RIT2: variants seen among roughly 807,000 people sequenced by gnomAD.
RIT2 encodes GTP-binding protein Rit2.
In RIT2, 24 loss-of-function variants were observed where a neutral mutation model predicts 23.7. The ratio of observed to expected loss-of-function variants is 1.01; its 90% confidence interval spans 0.73 to 1.43. The LOEUF (loss-of-function observed/expected upper bound fraction) is 1.43. Ranked by LOEUF, RIT2 falls within the 40% of genes most tolerant of loss-of-function variation. The pLI is 0.00. For missense variants in RIT2, 236 were observed against 266.9 expected (o/e 0.88, Z 0.81); for synonymous variants, 107 against 91.1 (o/e 1.17, Z -0.99).
At chr18:42,980,377 G>A (rs1910571616) in intron 2 of RIT2, among the ~76,000 whole-genome samples, 2 of 152,014 alleles carry the variant, frequency 1.3e-5, no homozygotes, top group Non-Finnish European at 2.9e-5. Context: ...CACAGCAATT[G>A]AAATCTTTCC....
At chr18:42,830,883 G>A (rs1209925275) in intron 4 of RIT2, among the ~76,000 whole-genome samples, 1 of 152,120 alleles carries the variant, frequency 6.6e-6, no homozygotes, top group Admixed American at 6.6e-5. Context: ...CTTAAAAACA[G>A]AATCATGGGG....
intron 3 of RIT2, among the ~76,000 whole-genome samples, chr18:42,932,274 C>T (rs910715117): frequency 1.3e-4 from 20 of 152,092 alleles, no homozygotes; most frequent in African/African-American, 4.3e-4. Flanking sequence ...TTAGTTACAC[C>T]TCCTGAGTGG....
rs181395067 is a variant in RIT2, at chr18:42,758,526, A to G, written c.427-14806T>C. Among the ~76,000 whole-genome samples, 77 of 111,780 alleles carry G rather than the reference A, an allele frequency of 6.9e-4. No individual in the cohort carries two copies. In the East Asian group the frequency reaches 0.017, roughly 24 times the overall value. 73.3% of individuals were successfully genotyped at this position (111,780 alleles called of 152,430 possible). A position where few individuals can be genotyped will look rare whatever the true frequency, so the allele number is the denominator to read the frequency against. Reference sequence around the variant, plus strand: ...TAACCCTTGTTTTATTTTTATTTTTATTTTGAGAAGGAGTTTTTCTCTCAT... The same window carrying G: ...TAACCCTTGTTTTATTTTTATTTTTGTTTTGAGAAGGAGTTTTTCTCTCAT... On this transcript the variant is annotated intron_variant, in intron 4 of 4. Coordinates refer to ENST00000326695, the MANE Select transcript of RIT2 (RefSeq NM_002930.4).
chr18:43,035,859 C>A (rs551442403), intron 1 of RIT2, among the ~76,000 whole-genome samples: 2 of 152,284 alleles, frequency 1.3e-5, no homozygotes, highest in South Asian at 4.1e-4. Flanking sequence ...TTATCCTTTG[C>A]CATAGCTCCT....
chr18:42,779,736 T>C (rs1044241308), intron 4 of RIT2, among the ~76,000 whole-genome samples: 1 of 152,214 alleles, frequency 6.6e-6, no homozygotes, highest in African/African-American at 2.4e-5. Flanking sequence ...ATAGAGGTTC[T>C]ATGAGAGAAG....
At chr18:42,965,711 CTTT>C (rs58344278) in intron 3 of RIT2, among the ~76,000 whole-genome samples, 200 of 37,482 alleles carry the variant, frequency 5.3e-3, no homozygotes, top group African/African-American at 0.011. Flanking sequence ...GTACTGATGG[CTTT>C]TTTTTTTTTT....
chr18:43,049,682 C>T (rs1279666295), intron 1 of RIT2, among the ~76,000 whole-genome samples: 1 of 152,068 alleles, frequency 6.6e-6, no homozygotes, highest in East Asian at 1.9e-4. Context: ...CATCCTGAAT[C>T]TTGAATAGTG....
At chr18:42,830,389 G>T (rs1568007208) in intron 4 of RIT2, among the ~76,000 whole-genome samples, 1 of 152,272 alleles carries the variant, frequency 6.6e-6, no homozygotes, top group Admixed American at 6.5e-5. Context: ...TGATAAGATG[G>T]TCAACATGGT....
chr18:43,065,253 G>T (rs1342191488), intron 1 of RIT2, among the ~76,000 whole-genome samples: 1 of 119,952 alleles, frequency 8.3e-6, no homozygotes, highest in East Asian at 2.4e-4. Flanking sequence ...TAGAGACATG[G>T]TCTCAATCTG....
At chr18:42,864,456 T>C (rs1459172375) in intron 4 of RIT2, among the ~76,000 whole-genome samples, 2 of 152,178 alleles carry the variant, frequency 1.3e-5, no homozygotes, top group African/African-American at 4.8e-5. Context: ...TCTGGTGTAC[T>C]CTGATGGGAA....
intron 4 of RIT2, among the ~76,000 whole-genome samples, chr18:42,874,536 G>T (rs138646355): frequency 6.6e-5 from 10 of 152,172 alleles, no homozygotes; most frequent in African/African-American, 2.4e-4. Flanking sequence ...AATTGAAAAA[G>T]TAAGAATTGG....
intron 4 of RIT2, among the ~76,000 whole-genome samples, chr18:42,787,845 G>C (rs1159235042): frequency 1.3e-5 from 2 of 151,634 alleles, no homozygotes; most frequent in African/African-American, 4.8e-5. Context: ...GAATTCTCTG[G>C]ATCTTTTGCT....
chr18:42,792,754 A>G (rs16976903), intron 4 of RIT2, among the ~76,000 whole-genome samples: 2,481 of 152,272 alleles, frequency 0.016, 75 homozygotes, highest in African/African-American at 0.057. Context: ...CCTATTCCAC[A>G]GGTTGACTTT....
intron 2 of RIT2, among the ~76,000 whole-genome samples, chr18:42,981,550 T>C (rs1283930779): frequency 6.6e-6 from 1 of 152,012 alleles, no homozygotes; most frequent in African/African-American, 2.4e-5. Flanking sequence ...GTTCCTGCTA[T>C]GTAAAATTTA....
rs142406918 is a variant in RIT2 at position 43,049,243 on chromosome 18, C to T, written c.104-15376G>A. Among the ~76,000 whole-genome samples the T allele has an allele frequency of 2.4e-4, 37 of 152,084 alleles. No individual in the cohort carries two copies. In the East Asian group the frequency reaches 5.6e-3, roughly 23 times the overall value. On this transcript the variant is annotated intron_variant, in intron 1 of 4. Transcript: ENST00000326695. ...TAAACAATGACACAATAAGAACTACCGGGAAGTTGTCCAGGGTTTGATAGA... is the reference window on the plus strand; with the variant it reads ...TAAACAATGACACAATAAGAACTACTGGGAAGTTGTCCAGGGTTTGATAGA...
intron 4 of RIT2, among the ~76,000 whole-genome samples, chr18:42,756,467 A>G (rs533781242): frequency 2.2e-3 from 329 of 152,270 alleles, no homozygotes; most frequent in African/African-American, 7.4e-3. Flanking sequence ...AAAGGTTGCC[A>G]TGGCAGCCAG....
intron 2 of RIT2, among the ~76,000 whole-genome samples, chr18:42,979,119 T>C (rs1031179604): frequency 1.1e-4 from 16 of 152,166 alleles, no homozygotes; most frequent in African/African-American, 3.9e-4. Context: ...TGGCAAGATA[T>C]GTTTGCAATA....
At chr18:42,820,103 G>A (rs545778899) in intron 4 of RIT2, among the ~76,000 whole-genome samples, 2 of 152,118 alleles carry the variant, frequency 1.3e-5, no homozygotes, top group East Asian at 1.9e-4. Context: ...GGAACTTCTG[G>A]AAATTATTTT....
chr18:42,776,992 T>C (rs1204541114), intron 4 of RIT2, among the ~76,000 whole-genome samples: 1 of 151,456 alleles, frequency 6.6e-6, no homozygotes, highest in African/African-American at 2.4e-5. Context: ...TGGATTAGGG[T>C]GGTGGTAGAA....
Sources: allele counts gnomAD v4.1 joint callset (sites outside exome capture counted in the v4.1 genomes callset), GRCh38; gene constraint gnomAD v4.1.1; transcripts MANE v1.5; gene names NCBI Gene and HGNC (gene_info 2026-07-23, HGNC 2026-07-21).